Variants in NOMO1 observed in about 807,000 individuals in gnomAD.
NOMO1 encodes NODAL modulator 1.
In NOMO1, 40 loss-of-function variants were observed where a neutral mutation model predicts 133.8. The observed-to-expected ratio is 0.30, with a 90% CI of 0.23 to 0.39. The LOEUF (loss-of-function observed/expected upper bound fraction) is 0.39. Among genes scored for constraint, NOMO1 ranks in the 10% least tolerant of loss-of-function variants. NOMO1 has a pLI of 1.00. For synonymous variants in NOMO1, 236 were observed against 570.5 expected, an observed-to-expected ratio of 0.41 and a Z score of 8.36; for missense variants, 462 against 1,419.9, an observed-to-expected ratio of 0.33 and a Z score of 10.84.
At chr16:14,836,054 C>T (rs1963502463) in intron 1 of NOMO1, among the ~76,000 whole-genome samples, 1 of 151,978 alleles carries the variant, frequency 6.6e-6, no homozygotes, top group Non-Finnish European at 1.5e-5. Flanking sequence ...CCGCAGGTTT[C>T]ACATTAAAAA....
chr16:14,866,787 A>G, intron 15 of NOMO1, 96 bp downstream of exon 15: 1 of 1,607,780 alleles, frequency 6.2e-7, no homozygotes, highest in Non-Finnish European at 8.5e-7. Context: ...AACGTAGGCA[A>G]GTTAGATTTC....
intron 5 of NOMO1, among the ~76,000 whole-genome samples, chr16:14,847,918 CTGGGCTAGTAATT>C (rs1963706127): frequency 6.6e-6 from 1 of 151,734 alleles, no homozygotes; most frequent in African/African-American, 2.4e-5. Context: ...AATTTTTTTT[CTGGGCTAGTAATT>C]TGGTGTTGAC....
At chr16:14,860,521 T>C (rs892671301) in intron 11 of NOMO1, among the ~76,000 whole-genome samples, 2 of 151,684 alleles carry the variant, frequency 1.3e-5, no homozygotes, top group Non-Finnish European at 2.9e-5. Flanking sequence ...GCAGTGGTGG[T>C]TGTCTGGAGG....
chr16:14,839,369 T>C (rs1963570705), intron 2 of NOMO1, among the ~76,000 whole-genome samples: 1 of 152,074 alleles, frequency 6.6e-6, no homozygotes, highest in Admixed American at 6.6e-5. Context: ...TTATAAAATT[T>C]TGATGTGCAT....
intron 15 of NOMO1, among the ~76,000 whole-genome samples, chr16:14,867,167 TA>T (rs1567543301): frequency 2.8e-3 from 59 of 21,374 alleles, no homozygotes; most frequent in African/African-American, 6.7e-3. Context: ...TATATATATA[TA>T]TATATATATT....
chr16:14,895,964 G>A lies in NOMO1; in HGVS notation c.*319G>A, dbSNP rs1232309527. 2.5e-6 allele frequency: 4 copies of A among 1,598,046 alleles called. No homozygotes were observed. The highest frequency in any genetic ancestry group is 2.3e-5 in the East Asian group (1 of 44,340). On this transcript the variant is annotated 3_prime_UTR_variant, in exon 31 of 31. Coordinates refer to ENST00000287667, the MANE Select transcript of NOMO1 (RefSeq NM_014287.4). ...GCTGTGGTGTGAGAATGTCATTCTT[G>A]ATCTTCAGCCTTCGTTTGCAAGGAG...
At chr16:14,874,970 GA>G in intron 18 of NOMO1, 65 bp from the exon 19 acceptor site, 2 of 1,607,490 alleles carry the variant, frequency 1.2e-6, no homozygotes, top group Non-Finnish European at 1.7e-6. Context: ...CATACTCGTA[GA>G]AAGGTCAAAT....
intron 22 of NOMO1, among the ~76,000 whole-genome samples, chr16:14,878,493 CAAAAAAA>C (rs1184163940): frequency 2.6e-5 from 1 of 39,062 alleles, no homozygotes; most frequent in African/African-American, 8.8e-5. Context: ...GACCCTGTCT[CAAAAAAA>C]AAAAAAAAAA....
At chr16:14,892,866 C>A (rs1050294232) in intron 29 of NOMO1, among the ~76,000 whole-genome samples, 1 of 138,442 alleles carries the variant, frequency 7.2e-6, no homozygotes, top group African/African-American at 2.6e-5. Flanking sequence ...GTTTCCACCT[C>A]GTTCTGCCCT....
Position 14,871,637 on chromosome 16 carries a change from C to T in NOMO1, c.1911C>T (p.Thr637=). The T allele has an allele frequency of 1.2e-6, 2 of 1,610,312 alleles. No homozygotes were observed. The part of the protein sequence containing the change: ...CLSKPGVYKV[T]PRSCHRFEQA... Reference sequence around the variant, plus strand: ...TGTCTGTAGGTGTGTACAAAGTGACCCCTCGCTCCTGCCACCGGTTTGAGC... The same window carrying T: ...TGTCTGTAGGTGTGTACAAAGTGACTCCTCGCTCCTGCCACCGGTTTGAGC... Residue 637 remains threonine, a synonymous_variant, in exon 17 of 31, where the codon ACC becomes ACT. Coordinates refer to ENST00000287667, the MANE Select transcript of NOMO1 (RefSeq NM_014287.4).
Position 14,841,968 on chromosome 16 carries a change from C to G in NOMO1, c.301+561C>G, listed in dbSNP as rs2856523. On this transcript the variant is annotated intron_variant, in intron 3 of 30. Coordinates refer to ENST00000287667, the MANE Select transcript of NOMO1 (RefSeq NM_014287.4). ...GTCCCTGCCCCACTGGGTACTTGGACGATTAATAAACCAATACTGAGTGTT... is the reference window on the plus strand; with the variant it reads ...GTCCCTGCCCCACTGGGTACTTGGAGGATTAATAAACCAATACTGAGTGTT... 3.3e-3 allele frequency among the ~76,000 whole-genome samples: 497 copies of G among 151,410 alleles called. 3 individuals are homozygous for G. Among genetic ancestry groups the G allele is most frequent in the South Asian group, 6.7e-3 (32 of 4,756 alleles).
chr16:14,885,410 G>T (rs1964309029), intron 27 of NOMO1, among the ~76,000 whole-genome samples: 1 of 151,856 alleles, frequency 6.6e-6, no homozygotes, highest in African/African-American at 2.4e-5. Context: ...ATCTTGTTCA[G>T]CTCTAACAAA....
At chr16:14,892,276 A>T (rs956362877) in intron 29 of NOMO1, among the ~76,000 whole-genome samples, 1 of 151,690 alleles carries the variant, frequency 6.6e-6, no homozygotes, top group Admixed American at 6.6e-5. Flanking sequence ...AAAGATAAGC[A>T]TATACAAGAA....
intron 18 of NOMO1, among the ~76,000 whole-genome samples, chr16:14,873,315 A>G (rs1012724988): frequency 2.3e-5 from 3 of 129,168 alleles, no homozygotes; most frequent in Admixed American, 7.7e-5. Context: ...AGGTCCCCCT[A>G]TTGGCCGAGT....
chr16:14,846,328 G>A (rs1963681409), intron 4 of NOMO1, among the ~76,000 whole-genome samples: 1 of 150,806 alleles, frequency 6.6e-6, no homozygotes, highest in Non-Finnish European at 1.5e-5. Flanking sequence ...CACCCGCCCA[G>A]ACCAATAATG....
chr16:14,875,871 G>T (rs1228271889), intron 20 of NOMO1, among the ~76,000 whole-genome samples: 1 of 151,584 alleles, frequency 6.6e-6, no homozygotes, highest in Non-Finnish European at 1.5e-5. Context: ...CACTTGTGGA[G>T]TATTTGTCTT....
chr16:14,869,718 CTT>C (rs1323128195), intron 16 of NOMO1, among the ~76,000 whole-genome samples: 2 of 151,540 alleles, frequency 1.3e-5, no homozygotes, highest in Non-Finnish European at 1.5e-5. Context: ...TTGTACAAGT[CTT>C]TGTGTCCGTA....
intron 3 of NOMO1, among the ~76,000 whole-genome samples, chr16:14,843,529 G>GT (rs1366842623): frequency 2.0e-5 from 3 of 151,668 alleles, no homozygotes; most frequent in African/African-American, 4.9e-5. Context: ...GGTATCGTCA[G>GT]TTTTTTTTAA....
At position 14,882,585 on chromosome 16, in the gene NOMO1, T is replaced by G. The variant is rs1324855500; in HGVS notation, c.3028-9T>G. On this transcript the variant is annotated splice_polypyrimidine_tract_variant and intron_variant, in intron 25 of 30. Transcript: ENST00000287667. Reference sequence around the variant, plus strand: ...TTTCTAGAGAGCTGACTCCTGAGTTTTTTTGCAGCCGGGATGTGTGTACCA... The same window carrying G: ...TTTCTAGAGAGCTGACTCCTGAGTTGTTTTGCAGCCGGGATGTGTGTACCA... 6.2e-7 allele frequency: 1 copy of G among 1,611,480 alleles called. No individual in the cohort carries two copies. The highest frequency in any genetic ancestry group is 1.3e-5 in the African/African-American group (1 of 74,636).
Sources: gnomAD v4.1 joint callset for allele counts (sites outside exome capture counted in the v4.1 genomes callset) on GRCh38, gnomAD v4.1.1 for gene constraint, MANE v1.5 for transcripts, NCBI Gene and HGNC (gene_info 2026-07-23, HGNC 2026-07-21) for gene names.